Variants in SLC39A11 observed in about 807,000 individuals in gnomAD.
The protein encoded by SLC39A11 is solute carrier family 39 member 11.
Under a neutral mutation model 36.1 loss-of-function variants are expected in SLC39A11, and 33 were observed. The ratio of observed to expected loss-of-function variants is 0.91; its 90% CI spans 0.69 to 1.22. The LOEUF (loss-of-function observed/expected upper bound fraction) is 1.22, where lower values mean the gene tolerates loss of function less well. SLC39A11 is among the 50% of genes most tolerant of loss of function. The pLI, the probability that SLC39A11 is intolerant of heterozygous loss-of-function variation, is 0.00. For missense variants in SLC39A11, 432 were observed against 430.3 expected, an observed-to-expected ratio of 1.00 and a Z score of -0.03; for synonymous variants, 166 against 170.3, an observed-to-expected ratio of 0.97 and a Z score of 0.20.
At chr17:72,648,746 G>T (rs2069701355) in intron 9 of SLC39A11, 57 bp downstream of exon 9, 5 of 1,603,946 alleles carry the variant, frequency 3.1e-6, no homozygotes, top group South Asian at 1.1e-5. Flanking sequence ...ATATCCCAAG[G>T]CTGGGGTCCC....
At chr17:72,854,991 T>A (rs528920753) in intron 5 of SLC39A11, among the ~76,000 whole-genome samples, 2 of 152,304 alleles carry the variant, frequency 1.3e-5, no homozygotes, top group Admixed American at 1.3e-4. Flanking sequence ...CCAGGGGCCA[T>A]CAGCAAACCC....
chr17:72,685,437 T>C (rs867507505), intron 7 of SLC39A11, among the ~76,000 whole-genome samples: 3 of 152,284 alleles, frequency 2.0e-5, no homozygotes, highest in African/African-American at 4.8e-5. Flanking sequence ...GGCCCAGCGA[T>C]GGGCAGGATC....
At chr17:73,029,890 C>T (rs1037292622) in intron 4 of SLC39A11, among the ~76,000 whole-genome samples, 1 of 152,094 alleles carries the variant, frequency 6.6e-6, no homozygotes, top group African/African-American at 2.4e-5. Flanking sequence ...CCATGTCACT[C>T]AATCTTTTAA....
intron 4 of SLC39A11, among the ~76,000 whole-genome samples, chr17:72,973,646 C>G (rs1312292299): frequency 2.0e-5 from 3 of 152,038 alleles, no homozygotes; most frequent in Non-Finnish European, 4.4e-5. Flanking sequence ...GCAGCCTCGA[C>G]CTCTGGGGCT....
chr17:72,741,455 T>C (rs763844225), intron 6 of SLC39A11, among the ~76,000 whole-genome samples: 11 of 152,196 alleles, frequency 7.2e-5, no homozygotes, highest in Non-Finnish European at 1.6e-4. Context: ...TGTGTATTTT[T>C]ACAGTAATCA....
chr17:72,912,465 T>G (rs1035447683), intron 5 of SLC39A11, among the ~76,000 whole-genome samples: 2 of 151,500 alleles, frequency 1.3e-5, no homozygotes, highest in African/African-American at 4.9e-5. Context: ...ATGGGGGTCT[T>G]GAGCCGCTAC....
At chr17:73,023,785 G>A (rs966240114) in intron 4 of SLC39A11, among the ~76,000 whole-genome samples, 9 of 152,128 alleles carry the variant, frequency 5.9e-5, no homozygotes, top group Non-Finnish European at 7.3e-5. Flanking sequence ...CACCACACCC[G>A]GTCCCAAAAT....
chr17:72,972,870 C>T (rs899900140), intron 4 of SLC39A11, among the ~76,000 whole-genome samples: 1 of 152,100 alleles, frequency 6.6e-6, no homozygotes, highest in Admixed American at 6.6e-5. Context: ...TTTGGCCAAC[C>T]CTCCTGTTGG....
chr17:72,874,105 C>T (rs908116375), intron 5 of SLC39A11, among the ~76,000 whole-genome samples: 1 of 152,134 alleles, frequency 6.6e-6, no homozygotes, highest in African/African-American at 2.4e-5. Flanking sequence ...TTAATATCAG[C>T]GTGAGAACCG....
At chr17:72,896,602 T>G (rs1437287703) in intron 5 of SLC39A11, among the ~76,000 whole-genome samples, 1 of 151,878 alleles carries the variant, frequency 6.6e-6, no homozygotes, top group African/African-American at 2.4e-5. Context: ...CCTCAAAGAG[T>G]TCACAGAGGG....
At chr17:72,898,860 C>T (rs563031334) in intron 5 of SLC39A11, among the ~76,000 whole-genome samples, 85 of 152,222 alleles carry the variant, frequency 5.6e-4, no homozygotes, top group Non-Finnish European at 9.7e-4. Context: ...ACTCTTTCCC[C>T]TGCAGCAGTT....
intron 4 of SLC39A11, among the ~76,000 whole-genome samples, chr17:73,029,417 G>C (rs16977498): frequency 0.031 from 4,697 of 152,026 alleles, 83 homozygotes; most frequent in African/African-American, 0.037. Context: ...CTGGTCACCT[G>C]TCAGGGCAAG....
At chr17:73,081,205 C>G (rs1320141279) in intron 3 of SLC39A11, among the ~76,000 whole-genome samples, 10 of 151,972 alleles carry the variant, frequency 6.6e-5, no homozygotes, top group Admixed American at 5.9e-4. Context: ...AAATGGCCAA[C>G]AAACATAAGA....
intron 5 of SLC39A11, among the ~76,000 whole-genome samples, chr17:72,920,142 C>T (rs978980642): frequency 6.6e-6 from 1 of 152,032 alleles, no homozygotes; most frequent in Non-Finnish European, 1.5e-5. Flanking sequence ...CGGCCAGAAC[C>T]ACTTTAGACA....
intron 5 of SLC39A11, among the ~76,000 whole-genome samples, chr17:72,936,139 G>A (rs1236477232): frequency 6.6e-6 from 1 of 151,988 alleles, no homozygotes; most frequent in African/African-American, 2.4e-5. Flanking sequence ...CAGACGTTGT[G>A]GTGAGCCGAG....
intron 6 of SLC39A11, among the ~76,000 whole-genome samples, chr17:72,784,383 G>T (rs545880903): frequency 6.6e-6 from 1 of 152,160 alleles, no homozygotes; most frequent in East Asian, 1.9e-4. Context: ...GGGTGCGTGG[G>T]GCTGGAAGAT....
intron 5 of SLC39A11, among the ~76,000 whole-genome samples, chr17:72,946,980 G>A (rs893683863): frequency 1.3e-5 from 2 of 152,218 alleles, no homozygotes; most frequent in African/African-American, 2.4e-5. Context: ...TGACTATGCT[G>A]TCAGCATCTT....
chr17:72,915,758 C>T (rs2083293357), intron 5 of SLC39A11, among the ~76,000 whole-genome samples: 1 of 152,240 alleles, frequency 6.6e-6, no homozygotes, highest in Non-Finnish European at 1.5e-5. Context: ...CCTCGTCAGC[C>T]TGGAGCAGCT....
intron 6 of SLC39A11, among the ~76,000 whole-genome samples, chr17:72,794,684 C>A (rs1246366126): frequency 6.6e-6 from 1 of 151,992 alleles, no homozygotes; most frequent in Non-Finnish European, 1.5e-5. Context: ...CTGGGACACT[C>A]GCCTCCCTCT....
Sources: allele counts gnomAD v4.1 joint callset (sites outside exome capture counted in the v4.1 genomes callset), GRCh38; gene constraint gnomAD v4.1.1; transcripts MANE v1.5; gene names NCBI Gene and HGNC (gene_info 2026-07-23, HGNC 2026-07-21).